CSMD1: variants seen among roughly 807,000 people sequenced by gnomAD.
CSMD1 encodes the protein CUB and Sushi multiple domains 1.
Under a neutral mutation model 417.5 loss-of-function variants are expected in CSMD1, and 213 were observed. The observed-to-expected ratio is 0.51, with a 90% CI of 0.46 to 0.57. CSMD1 has a LOEUF of 0.57. CSMD1 is among the 20% of genes least tolerant of loss of function. The pLI, the probability that CSMD1 is intolerant of heterozygous loss-of-function variation, is 0.00. For missense variants in CSMD1, 6,923 were observed against 4,529.7 expected (o/e 1.53, Z -15.17); for synonymous variants, 2,862 against 1,736.8 (o/e 1.65, Z -16.11).
At chr8:4,978,738 G>C (rs1810705895) in intron 1 of CSMD1, among the ~76,000 whole-genome samples, 1 of 152,090 alleles carries the variant, frequency 6.6e-6, no homozygotes, top group Non-Finnish European at 1.5e-5. Flanking sequence ...AGTAGTTCGA[G>C]ACCAGCCTGG....
chr8:3,703,648 A>G lies in CSMD1; in HGVS notation c.1009+4766T>C, dbSNP rs1338367900. Among the ~76,000 whole-genome samples, 8 of 152,332 alleles carry G rather than the reference A, an allele frequency of 5.3e-5. No homozygotes were observed. In the South Asian group the frequency reaches 1.7e-3, roughly 32 times the overall value. ...GGTAGAAAAATTTCACTGGCCTAGC[A>G]GGAAGAAGCAGAGGAAGAGATGAGC... On this transcript the variant is annotated intron_variant, in intron 7 of 69. Coordinates refer to ENST00000635120, the MANE Select transcript of CSMD1 (RefSeq NM_033225.6).
At chr8:4,120,807 G>A (rs1802443772) in intron 3 of CSMD1, among the ~76,000 whole-genome samples, 1 of 152,198 alleles carries the variant, frequency 6.6e-6, no homozygotes, top group Non-Finnish European at 1.5e-5. Context: ...AGAAGCTCAT[G>A]ACATGCCAGA....
intron 2 of CSMD1, among the ~76,000 whole-genome samples, chr8:4,581,225 T>G (rs1585281882): frequency 1.3e-5 from 2 of 152,212 alleles, no homozygotes; most frequent in East Asian, 1.9e-4. Context: ...GAAAAGAATG[T>G]TTCATATAAA....
intron 3 of CSMD1, among the ~76,000 whole-genome samples, chr8:4,287,065 A>C (rs954432611): frequency 5.3e-5 from 8 of 152,240 alleles, no homozygotes. Context: ...AGGCTTAGTA[A>C]CTTGAGAGAA....
chr8:4,524,853 G>A (rs1361625021), intron 2 of CSMD1, among the ~76,000 whole-genome samples: 1 of 151,896 alleles, frequency 6.6e-6, no homozygotes, highest in Non-Finnish European at 1.5e-5. Context: ...AATAAAAATT[G>A]GAATTCATTC....
At chr8:4,344,610 A>C (rs1172562639) in intron 3 of CSMD1, among the ~76,000 whole-genome samples, 1 of 151,728 alleles carries the variant, frequency 6.6e-6, no homozygotes, top group Non-Finnish European at 1.5e-5. Flanking sequence ...GTTATGAGTT[A>C]CACTACCGCT....
chr8:3,318,778 G>A (rs777453325), intron 23 of CSMD1, among the ~76,000 whole-genome samples: 30 of 152,198 alleles, frequency 2.0e-4, no homozygotes, highest in Non-Finnish European at 3.8e-4. Flanking sequence ...AGCCAGATCC[G>A]AGCACAGGGC....
At chr8:3,672,194 G>A (rs1156965172) in intron 7 of CSMD1, among the ~76,000 whole-genome samples, 1 of 152,090 alleles carries the variant, frequency 6.6e-6, no homozygotes, top group Non-Finnish European at 1.5e-5. Context: ...TAAGTTTGAT[G>A]AAATTGACTG....
intron 23 of CSMD1, among the ~76,000 whole-genome samples, chr8:3,321,063 T>C (rs1040283614): frequency 3.9e-5 from 6 of 152,120 alleles, no homozygotes; most frequent in African/African-American, 1.2e-4. Context: ...CAACTCTCAA[T>C]CTCTTCCACC....
intron 3 of CSMD1, among the ~76,000 whole-genome samples, chr8:4,344,032 T>A (rs188466473): frequency 6.6e-6 from 1 of 152,174 alleles, no homozygotes; most frequent in Admixed American, 6.5e-5. Context: ...TGTGAATGTA[T>A]ACAAATAGGT....
intron 3 of CSMD1, among the ~76,000 whole-genome samples, chr8:4,313,792 G>A (rs564108549): frequency 3.3e-5 from 5 of 152,114 alleles, no homozygotes; most frequent in Admixed American, 6.5e-5. Context: ...AAGGCAGGCG[G>A]ATCAAAAGGT....
At chr8:4,412,715 A>G (rs1195120753) in intron 3 of CSMD1, among the ~76,000 whole-genome samples, 1 of 152,206 alleles carries the variant, frequency 6.6e-6, no homozygotes, top group Non-Finnish European at 1.5e-5. Flanking sequence ...ATATAAAGAC[A>G]TAGTGAAAAG....
intron 10 of CSMD1, among the ~76,000 whole-genome samples, chr8:3,509,875 T>C (rs1482297040): frequency 2.0e-5 from 3 of 152,122 alleles, no homozygotes; most frequent in African/African-American, 4.8e-5. Context: ...TCTGTGGCCA[T>C]GGTAAAGGGG....
At chr8:4,434,288 C>A (rs1798030521) in intron 2 of CSMD1, among the ~76,000 whole-genome samples, 1 of 152,154 alleles carries the variant, frequency 6.6e-6, no homozygotes, top group South Asian at 2.1e-4. Context: ...ATTGCTTGAA[C>A]CTTGGAGATG....
chr8:3,319,471 A>G (rs1473977938), intron 23 of CSMD1, among the ~76,000 whole-genome samples: 1 of 152,258 alleles, frequency 6.6e-6, no homozygotes, highest in Non-Finnish European at 1.5e-5. Context: ...GCCAATATAT[A>G]GAAAAAGGTG....
At chr8:4,051,279 C>A (rs1444270817) in intron 3 of CSMD1, among the ~76,000 whole-genome samples, 1 of 145,820 alleles carries the variant, frequency 6.9e-6, no homozygotes, top group African/African-American at 2.6e-5. Flanking sequence ...ACAAAGCCTG[C>A]ACAAAAGCTC....
intron 6 of CSMD1, among the ~76,000 whole-genome samples, chr8:3,739,254 G>T (rs1030379789): frequency 6.6e-6 from 1 of 152,138 alleles, no homozygotes; most frequent in African/African-American, 2.4e-5. Flanking sequence ...CTCATCCTTT[G>T]AAACTTCTGA....
intron 3 of CSMD1, among the ~76,000 whole-genome samples, chr8:4,098,970 G>C (rs1314671446): frequency 6.6e-6 from 1 of 152,156 alleles, no homozygotes. Flanking sequence ...AATTTTCAAA[G>C]AGGTAAGAAT....
rs375951760 is a variant in CSMD1, at chr8:4,951,444, G to A, written c.85+42888C>T. ...AAAAAAAAGAAAAAGAAAGAAAGAG[G>A]GAAGGAAGGAAGGAAAGAAGGAAGG... On this transcript the variant is annotated intron_variant, in intron 1 of 69. Transcript: ENST00000635120. Among the ~76,000 whole-genome samples the A allele has an allele frequency of 2.7e-5, 4 of 149,326 alleles. 1 individual carries two copies. Among genetic ancestry groups the A allele is most frequent in the African/African-American group, 9.9e-5 (4 of 40,588 alleles).
Sources: gnomAD v4.1 joint callset for allele counts (sites outside exome capture counted in the v4.1 genomes callset) on GRCh38, gnomAD v4.1.1 for gene constraint, MANE v1.5 for transcripts, NCBI Gene and HGNC (gene_info 2026-07-23, HGNC 2026-07-21) for gene names.